Variants in SH3RF3 observed in about 807,000 individuals in gnomAD.
SH3RF3 encodes SH3 domain containing ring finger 3, also known as E3 ubiquitin-protein ligase SH3RF3.
SH3RF3 carries 29 observed loss-of-function variants against 66.3 expected under a neutral mutation model. The ratio of observed to expected loss-of-function variants is 0.44; its 90% CI spans 0.33 to 0.60. SH3RF3 has a LOEUF of 0.60. Among genes scored for constraint, SH3RF3 ranks in the 20% least tolerant of loss-of-function variants. The pLI, the probability that SH3RF3 is intolerant of heterozygous loss-of-function variation, is 0.04. For synonymous variants in SH3RF3, 583 were observed against 532.0 expected (o/e 1.10, Z -1.32); for missense variants, 1,194 against 1,190.9 (o/e 1.00, Z -0.04).
intron 1 of SH3RF3, among the ~76,000 whole-genome samples, chr2:109,160,534 T>G (rs970721459): frequency 6.6e-6 from 1 of 152,142 alleles, no homozygotes; most frequent in Non-Finnish European, 1.5e-5. Context: ...GGATTCTGAG[T>G]TGTGCCTCTC....
intron 1 of SH3RF3, among the ~76,000 whole-genome samples, chr2:109,182,461 C>G (rs1457457816): frequency 2.6e-5 from 4 of 152,194 alleles, no homozygotes; most frequent in Non-Finnish European, 5.9e-5. Context: ...TTGGGGGACA[C>G]ACTCAAACTA....
chr2:109,427,297 T>TA (rs1677052153), intron 5 of SH3RF3, among the ~76,000 whole-genome samples: 1 of 151,322 alleles, frequency 6.6e-6, no homozygotes, highest in African/African-American at 2.5e-5. Flanking sequence ...TTAAGGTACT[T>TA]ACATTTTTTT....
chr2:109,485,670 C>A (rs559983162), intron 8 of SH3RF3, among the ~76,000 whole-genome samples: 1 of 152,362 alleles, frequency 6.6e-6, no homozygotes, highest in East Asian at 1.9e-4. Context: ...CTAGATGATT[C>A]TTTAAAGTGG....
chr2:109,144,324 T>C (rs1325403185), intron 1 of SH3RF3, among the ~76,000 whole-genome samples: 2 of 152,172 alleles, frequency 1.3e-5, no homozygotes, highest in Non-Finnish European at 2.9e-5. Flanking sequence ...TATACCTCAA[T>C]AAAACAGGGG....
At chr2:109,376,359 A>T (rs1412765305) in intron 3 of SH3RF3, among the ~76,000 whole-genome samples, 2 of 152,202 alleles carry the variant, frequency 1.3e-5, no homozygotes, top group African/African-American at 2.4e-5. Flanking sequence ...TTGTCAGGAA[A>T]GGAATCAGCT....
At chr2:109,212,123 G>A (rs1000340647) in intron 1 of SH3RF3, among the ~76,000 whole-genome samples, 2 of 152,216 alleles carry the variant, frequency 1.3e-5, no homozygotes, top group Admixed American at 6.5e-5. Context: ...GCCGGGCAAT[G>A]GTCCGAATCG....
At chr2:109,307,384 C>G (rs1259200488) in intron 1 of SH3RF3, among the ~76,000 whole-genome samples, 1 of 151,880 alleles carries the variant, frequency 6.6e-6, no homozygotes, top group Non-Finnish European at 1.5e-5. Flanking sequence ...ACGCTGCATC[C>G]ATGCTCTGGG....
rs1335523108 is a variant in SH3RF3, at chr2:109,216,835, C to T, written c.573+86722C>T. On this transcript the variant is annotated intron_variant, in intron 1 of 9. Coordinates refer to ENST00000309415, the MANE Select transcript of SH3RF3 (RefSeq NM_001099289.3). ...TTTAGCCATTTGTAAGCAAACAGTT[C>T]AGTGGCATTAAGCACATTCTCATTG... Among the ~76,000 whole-genome samples the T allele has an allele frequency of 3.9e-5, 6 of 152,202 alleles. No homozygotes were observed. In the South Asian group the frequency reaches 1.0e-3, roughly 26 times the overall value.
chr2:109,382,622 G>A (rs897355079), intron 3 of SH3RF3, among the ~76,000 whole-genome samples: 20 of 152,076 alleles, frequency 1.3e-4, no homozygotes, highest in South Asian at 2.1e-4. Flanking sequence ...TTGGAACACC[G>A]AGCCCTGTCA....
At chr2:109,135,261 A>G (rs2104809957) in intron 1 of SH3RF3, among the ~76,000 whole-genome samples, 1 of 152,294 alleles carries the variant, frequency 6.6e-6, no homozygotes. Flanking sequence ...TCTGAAGCCC[A>G]CACACAGGAC....
Position 109,417,366 on chromosome 2 carries a change from G to A in SH3RF3, c.1300-2173G>A, listed in dbSNP as rs759976562. ...AGGAAAGTGATCCTGGCATTGTTGG[G>A]GACACCTCCTCTTCCCTGTCTCCCT... On this transcript the variant is annotated intron_variant, in intron 4 of 9. Coordinates refer to ENST00000309415, the MANE Select transcript of SH3RF3 (RefSeq NM_001099289.3). Among the ~76,000 whole-genome samples the A allele has an allele frequency of 6.6e-5, 10 of 152,264 alleles. No individual in the cohort carries two copies. In the East Asian group the frequency reaches 1.9e-3, roughly 29 times the overall value.
chr2:109,141,894 C>G (rs1163318571), intron 1 of SH3RF3, among the ~76,000 whole-genome samples: 1 of 152,098 alleles, frequency 6.6e-6, no homozygotes, highest in East Asian at 1.9e-4. Context: ...CGGCTGCCTG[C>G]TTCTCCTACC....
chr2:109,183,450 C>T (rs991403408), intron 1 of SH3RF3, among the ~76,000 whole-genome samples: 1 of 152,134 alleles, frequency 6.6e-6, no homozygotes, highest in African/African-American at 2.4e-5. Flanking sequence ...TAGTTCAACT[C>T]CCACACAGTA....
chr2:109,334,762 G>A (rs1682370163), intron 1 of SH3RF3, among the ~76,000 whole-genome samples: 1 of 133,876 alleles, frequency 7.5e-6, no homozygotes, highest in Non-Finnish European at 1.6e-5. Context: ...AGAGGCTGCT[G>A]AAGGAGTTTG....
At chr2:109,365,083 C>T (rs977949494) in intron 2 of SH3RF3, among the ~76,000 whole-genome samples, 1 of 150,204 alleles carries the variant, frequency 6.7e-6, no homozygotes, top group African/African-American at 2.4e-5. Flanking sequence ...AACAAAACAT[C>T]CCAATGGGTG....
chr2:109,475,690 G>A (rs1031675934), intron 8 of SH3RF3, among the ~76,000 whole-genome samples: 1 of 152,214 alleles, frequency 6.6e-6, no homozygotes, highest in African/African-American at 2.4e-5. Flanking sequence ...CTTTGTGGAT[G>A]CCAGTAGCAC....
chr2:109,465,607 A>G (rs1234689195), intron 8 of SH3RF3, among the ~76,000 whole-genome samples: 1 of 152,216 alleles, frequency 6.6e-6, no homozygotes, highest in Non-Finnish European at 1.5e-5. Context: ...GCACTGCTAT[A>G]AAGAAATACC....
At chr2:109,158,172 C>T (rs928070381) in intron 1 of SH3RF3, among the ~76,000 whole-genome samples, 38 of 152,246 alleles carry the variant, frequency 2.5e-4, no homozygotes, top group South Asian at 4.1e-4. Context: ...GACTTCAAAA[C>T]ACACGACTGC....
At chr2:109,419,342 A>ATTTC (rs1312315576) in intron 4 of SH3RF3, among the ~76,000 whole-genome samples, 197 bp from the exon 5 acceptor site, 1 of 152,122 alleles carries the variant, frequency 6.6e-6, no homozygotes, top group Non-Finnish European at 1.5e-5. Flanking sequence ...GGCTCTTGAA[A>ATTTC]ATCACCTCAG....
Sources: gnomAD v4.1 joint callset for allele counts (sites outside exome capture counted in the v4.1 genomes callset) on GRCh38, gnomAD v4.1.1 for gene constraint, MANE v1.5 for transcripts, NCBI Gene and HGNC (gene_info 2026-07-23, HGNC 2026-07-21) for gene names.